The following MLLT3 variants were observed in gnomAD, a reference collection of about 807,000 sequenced individuals.
MLLT3 encodes protein AF-9.
MLLT3 carries 4 observed loss-of-function variants against 53.2 expected under a neutral mutation model. That is an observed-to-expected ratio of 0.08 (90% confidence interval 0.04 to 0.17). MLLT3 has a LOEUF of 0.17. Among genes scored for constraint, MLLT3 ranks in the 10% least tolerant of loss-of-function variants. The probability of loss-of-function intolerance (pLI) is 1.00; values close to 1 mark genes in which losing one functional copy is unlikely to be tolerated. For synonymous variants in MLLT3, 283 were observed against 230.6 expected (o/e 1.23, Z -2.06); for missense variants, 569 against 684.0 (o/e 0.83, Z 1.87).
chr9:20,573,722 C>T (rs1347537675), intron 2 of MLLT3, among the ~76,000 whole-genome samples: 4 of 152,100 alleles, frequency 2.6e-5, no homozygotes, highest in South Asian at 2.1e-4. Context: ...TTGCTACCTC[C>T]AAAAAGGCTT....
intron 9 of MLLT3, among the ~76,000 whole-genome samples, chr9:20,354,371 G>A (rs1299178744): frequency 6.6e-6 from 1 of 152,216 alleles, no homozygotes; most frequent in Non-Finnish European, 1.5e-5. Flanking sequence ...TGGCCCTACA[G>A]AGCAAGGTTA....
chr9:20,441,358 T>C (rs182418118), intron 4 of MLLT3, among the ~76,000 whole-genome samples: 1 of 152,304 alleles, frequency 6.6e-6, no homozygotes, highest in Admixed American at 6.5e-5. Context: ...TAAATAACTT[T>C]GTACTGTCAT....
At chr9:20,359,429 G>C (rs1821262371) in intron 8 of MLLT3, among the ~76,000 whole-genome samples, 1 of 152,198 alleles carries the variant, frequency 6.6e-6, no homozygotes, top group Admixed American at 6.5e-5. Flanking sequence ...TATGGAAAAA[G>C]AAGTAAATAA....
intron 2 of MLLT3, among the ~76,000 whole-genome samples, chr9:20,479,641 C>T (rs192575664): frequency 1.3e-5 from 2 of 152,268 alleles, no homozygotes; most frequent in East Asian, 1.9e-4. Flanking sequence ...AAAAATTTCC[C>T]ATGACTCCGT....
chr9:20,405,006 G>A (rs953225643), intron 5 of MLLT3, among the ~76,000 whole-genome samples: 4 of 152,080 alleles, frequency 2.6e-5, no homozygotes, highest in South Asian at 2.1e-4. Context: ...TAATCCACCC[G>A]GAGATGCATG....
chr9:20,612,420 C>T (rs760531843), intron 2 of MLLT3, among the ~76,000 whole-genome samples: 2 of 152,112 alleles, frequency 1.3e-5, no homozygotes, highest in South Asian at 4.1e-4. Context: ...ATTACTATGG[C>T]CACGAACTAA....
In MLLT3 at chr9:20,468,877, C is replaced by T. The variant is rs73648220; in HGVS notation, c.194-12091G>A. Among the ~76,000 whole-genome samples the T allele has an allele frequency of 3.0e-3, 452 of 152,230 alleles. 4 individuals carry two copies. The highest frequency in any genetic ancestry group is 0.01 in the African/African-American group (430 of 41,534). On this transcript the variant is annotated intron_variant, in intron 2 of 10. Coordinates refer to ENST00000380338, the MANE Select transcript of MLLT3 (RefSeq NM_004529.4). ...CTAAACACCACATCTGCTGTTAACA[C>T]GATCAGGAAACTGAGACAAAACAAG...
intron 2 of MLLT3, among the ~76,000 whole-genome samples, chr9:20,495,963 A>G (rs931120800): frequency 3.3e-5 from 5 of 152,214 alleles, no homozygotes; most frequent in Non-Finnish European, 7.4e-5. Context: ...ACAATACCAA[A>G]TAACAGGCTC....
intron 2 of MLLT3, among the ~76,000 whole-genome samples, chr9:20,566,384 C>G (rs950119790): frequency 2.6e-5 from 4 of 152,018 alleles, no homozygotes; most frequent in African/African-American, 4.8e-5. Flanking sequence ...AATGCATGTT[C>G]TTTTTAATTG....
At chr9:20,514,009 T>C (rs1184494497) in intron 2 of MLLT3, among the ~76,000 whole-genome samples, 4 of 151,990 alleles carry the variant, frequency 2.6e-5, no homozygotes, top group East Asian at 3.9e-4. Flanking sequence ...TGATGGAAAG[T>C]TGGAAGGGGT....
intron 4 of MLLT3, among the ~76,000 whole-genome samples, chr9:20,434,643 C>T (rs1823358240): frequency 6.6e-6 from 1 of 152,162 alleles, no homozygotes; most frequent in Non-Finnish European, 1.5e-5. Flanking sequence ...GGAACAAAGG[C>T]TTCCTTATAC....
intron 2 of MLLT3, among the ~76,000 whole-genome samples, chr9:20,582,327 T>A (rs1191930770): frequency 6.6e-6 from 1 of 152,168 alleles, no homozygotes; most frequent in African/African-American, 2.4e-5. Flanking sequence ...ATGTAACCAC[T>A]CATAACAGTA....
intron 5 of MLLT3, among the ~76,000 whole-genome samples, chr9:20,368,371 A>G (rs1821508790): frequency 6.6e-6 from 1 of 152,144 alleles, no homozygotes; most frequent in Non-Finnish European, 1.5e-5. Context: ...TATTATTTTG[A>G]TAGCTCTGGA....
chr9:20,594,930 T>C (rs147862174), intron 2 of MLLT3, among the ~76,000 whole-genome samples: 2,800 of 152,244 alleles, frequency 0.018, 75 homozygotes, highest in African/African-American at 0.063. Context: ...ACCCCTTGTT[T>C]AGCATATAAT....
At chr9:20,384,116 C>T (rs1458604491) in intron 5 of MLLT3, among the ~76,000 whole-genome samples, 1 of 152,016 alleles carries the variant, frequency 6.6e-6, no homozygotes, top group Non-Finnish European at 1.5e-5. Context: ...CTGTTCTTAA[C>T]AGTTCATCTC....
intron 4 of MLLT3, among the ~76,000 whole-genome samples, chr9:20,416,086 A>G (rs1446104181): frequency 6.6e-6 from 1 of 152,016 alleles, no homozygotes; most frequent in Non-Finnish European, 1.5e-5. Context: ...TCATATTACT[A>G]AAATTTCATT....
intron 2 of MLLT3, among the ~76,000 whole-genome samples, chr9:20,544,789 T>C (rs987830451): frequency 6.6e-6 from 1 of 152,144 alleles, no homozygotes; most frequent in Non-Finnish European, 1.5e-5. Flanking sequence ...ACCCCCACGT[T>C]CAATGAAGCA....
At chr9:20,541,763 G>A (rs1818637403) in intron 2 of MLLT3, among the ~76,000 whole-genome samples, 2 of 152,140 alleles carry the variant, frequency 1.3e-5, no homozygotes, top group South Asian at 4.1e-4. Flanking sequence ...TCCATTAGAA[G>A]CAACTCCTCA....
intron 2 of MLLT3, among the ~76,000 whole-genome samples, chr9:20,575,842 G>A (rs773935707): frequency 9.2e-5 from 14 of 152,164 alleles, no homozygotes; most frequent in African/African-American, 2.7e-4. Flanking sequence ...GAATGTAAAC[G>A]AGCACTGGCT....
Sources: gnomAD v4.1 joint callset for allele counts (sites outside exome capture counted in the v4.1 genomes callset) on GRCh38, gnomAD v4.1.1 for gene constraint, MANE v1.5 for transcripts, NCBI Gene and HGNC (gene_info 2026-07-23, HGNC 2026-07-21) for gene names.